Variants in GABRB2 observed in about 807,000 individuals in gnomAD.
GABRB2 encodes the protein gamma-aminobutyric acid type A receptor subunit beta2, also known as gamma-aminobutyric acid receptor subunit beta-2.
In GABRB2, 16 loss-of-function variants were observed where a neutral mutation model predicts 54.7. That is an observed-to-expected ratio of 0.29 (90% CI 0.20 to 0.44). The LOEUF (loss-of-function observed/expected upper bound fraction) is 0.44, where lower values mean the gene tolerates loss of function less well. Among genes scored for constraint, GABRB2 ranks in the 20% least tolerant of loss-of-function variants. The probability of loss-of-function intolerance (pLI) is 1.00; values close to 1 mark genes in which losing one functional copy is unlikely to be tolerated. For missense variants in GABRB2, 355 were observed against 644.0 expected, an observed-to-expected ratio of 0.55 and a Z score of 4.86; for synonymous variants, 244 against 233.8, an observed-to-expected ratio of 1.04 and a Z score of -0.40.
chr5:161,369,790 G>A (rs899710766), intron 5 of GABRB2, among the ~76,000 whole-genome samples: 1 of 152,122 alleles, frequency 6.6e-6, no homozygotes, highest in Non-Finnish European at 1.5e-5. Flanking sequence ...ACTCTTTAGT[G>A]TATTTGCCTG....
In GABRB2 at chr5:161,289,232, C is replaced by CTTTTTCTTTT; in HGVS notation, c.*4848_*4849insAAAAGAAAAA. 1 of 90,494 alleles carries CTTTTTCTTTT rather than the reference C, an allele frequency of 1.1e-5. No homozygotes were observed. The highest frequency in any genetic ancestry group is 3.2e-4 in the East Asian group (1 of 3,152). The allele number at this position is 90,494 out of a possible 1,614,324, so 5.6% of individuals were successfully genotyped here. A position where few individuals can be genotyped will look rare whatever the true frequency, so the allele number is the denominator to read the frequency against. On this transcript the variant is annotated 3_prime_UTR_variant, in exon 10 of 10. Coordinates refer to ENST00000393959, the MANE Select transcript of GABRB2 (RefSeq NM_001371727.1). ...ACCTAGTAGCTTTTTAAGAGTGCTG[C>CTTTTTCTTTT]TTTTTTTTTTTTTTTTTGTACAGAT...
rs1580949222 is a variant in GABRB2, at chr5:161,289,231, G to GTTTTTT, written c.*4849_*4850insAAAAAA. The GTTTTTT allele has an allele frequency of 1.6e-5, 1 of 60,676 alleles. No individual in the cohort carries two copies. The highest frequency in any genetic ancestry group is 2.7e-5 in the Non-Finnish European group (1 of 36,946). 3.8% of individuals were successfully genotyped at this position (60,676 alleles called of 1,614,324 possible). A position where few individuals can be genotyped will look rare whatever the true frequency, so the allele number is the denominator to read the frequency against. ...AACCTAGTAGCTTTTTAAGAGTGCTGCTTTTTTTTTTTTTTTTTGTACAGA... is the reference window on the plus strand; with the variant it reads ...AACCTAGTAGCTTTTTAAGAGTGCTGTTTTTTCTTTTTTTTTTTTTTTTTGTACAGA... On this transcript the variant is annotated 3_prime_UTR_variant, in exon 10 of 10. Coordinates refer to ENST00000393959, the MANE Select transcript of GABRB2 (RefSeq NM_001371727.1).
At chr5:161,442,750 C>T (rs945133771) in intron 4 of GABRB2, among the ~76,000 whole-genome samples, 1 of 151,368 alleles carries the variant, frequency 6.6e-6, no homozygotes, top group East Asian at 1.9e-4. Context: ...CTTTTCAATT[C>T]TCTCTCTCTC....
chr5:161,515,008 T>C (rs1342893817), intron 3 of GABRB2, among the ~76,000 whole-genome samples: 2 of 152,188 alleles, frequency 1.3e-5, no homozygotes, highest in Non-Finnish European at 2.9e-5. Context: ...CATCCGTATT[T>C]GTCAATGCTG....
At chr5:161,522,971 A>G (rs73797405) in intron 3 of GABRB2, among the ~76,000 whole-genome samples, 3 of 151,378 alleles carry the variant, frequency 2.0e-5, no homozygotes, top group Non-Finnish European at 4.4e-5. Flanking sequence ...TTATTAATAG[A>G]TATAATTTAT....
intron 4 of GABRB2, among the ~76,000 whole-genome samples, chr5:161,425,830 A>AATAT (rs1756982887): frequency 6.6e-6 from 1 of 152,106 alleles, no homozygotes; most frequent in Non-Finnish European, 1.5e-5. Context: ...TCTTTCTCCT[A>AATAT]GCAAATTGTC....
intron 3 of GABRB2, among the ~76,000 whole-genome samples, chr5:161,499,849 C>A (rs1759375643): frequency 6.6e-6 from 1 of 152,012 alleles, no homozygotes; most frequent in Non-Finnish European, 1.5e-5. Context: ...TTGCTTGTCT[C>A]TATTAATAAT....
At chr5:161,352,852 A>G (rs908985553) in intron 5 of GABRB2, among the ~76,000 whole-genome samples, 1 of 152,048 alleles carries the variant, frequency 6.6e-6, no homozygotes, top group Non-Finnish European at 1.5e-5. Flanking sequence ...AATAAATAAA[A>G]AACCTAATAA....
At chr5:161,502,454 T>C (rs573950999) in intron 3 of GABRB2, among the ~76,000 whole-genome samples, 2 of 152,286 alleles carry the variant, frequency 1.3e-5, no homozygotes, top group East Asian at 3.9e-4. Context: ...AAAACATATT[T>C]CTAACTTCTG....
chr5:161,486,475 C>T (rs1202805403), intron 3 of GABRB2, among the ~76,000 whole-genome samples: 1 of 151,966 alleles, frequency 6.6e-6, no homozygotes. Flanking sequence ...GCATTTTAAT[C>T]TCTTACATAT....
chr5:161,495,640 A>G (rs1759217162), intron 3 of GABRB2, among the ~76,000 whole-genome samples: 2 of 152,076 alleles, frequency 1.3e-5, no homozygotes, highest in South Asian at 4.1e-4. Context: ...CTCAATAATT[A>G]AAATTGTGGC....
chr5:161,439,518 A>T (rs1400655257), intron 4 of GABRB2, among the ~76,000 whole-genome samples: 2 of 152,220 alleles, frequency 1.3e-5, no homozygotes, highest in Admixed American at 1.3e-4. Flanking sequence ...ATAACAATGT[A>T]ACTGGGGTGT....
chr5:161,426,272 G>A (rs1023134796), intron 4 of GABRB2, among the ~76,000 whole-genome samples: 2 of 152,070 alleles, frequency 1.3e-5, no homozygotes, highest in African/African-American at 4.8e-5. Flanking sequence ...AGTGGAAGCA[G>A]AACCCTAAGA....
chr5:161,510,621 A>G (rs1168647556), intron 3 of GABRB2, among the ~76,000 whole-genome samples: 1 of 151,916 alleles, frequency 6.6e-6, no homozygotes, highest in Non-Finnish European at 1.5e-5. Flanking sequence ...CCTTGAGGAT[A>G]ATAAATGTTT....
chr5:161,486,435 T>C (rs1026927220), intron 3 of GABRB2, among the ~76,000 whole-genome samples: 1 of 151,972 alleles, frequency 6.6e-6, no homozygotes, highest in Admixed American at 6.6e-5. Flanking sequence ...AAATGCGCAC[T>C]GTAAGGCACG....
At chr5:161,513,083 T>C (rs1361095175) in intron 3 of GABRB2, among the ~76,000 whole-genome samples, 1 of 148,498 alleles carries the variant, frequency 6.7e-6, no homozygotes, top group Non-Finnish European at 1.5e-5. Flanking sequence ...AAACAAGAGA[T>C]GCTGGTGGGG....
chr5:161,518,049 C>T (rs1421857304), intron 3 of GABRB2, among the ~76,000 whole-genome samples: 1 of 152,132 alleles, frequency 6.6e-6, no homozygotes. Context: ...ACCTCGTGAT[C>T]GGCCCGCCCC....
At chr5:161,351,112 C>A (rs1001588291) in intron 5 of GABRB2, among the ~76,000 whole-genome samples, 1 of 151,996 alleles carries the variant, frequency 6.6e-6, no homozygotes, top group African/African-American at 2.4e-5. Context: ...TGGAAGAATT[C>A]AAATTATTAA....
intron 5 of GABRB2, among the ~76,000 whole-genome samples, chr5:161,345,696 A>T (rs1754302550): frequency 6.6e-6 from 1 of 151,896 alleles, no homozygotes; most frequent in African/African-American, 2.4e-5. Context: ...TACTCCTCTA[A>T]TATTTCCACA....
Sources: gnomAD v4.1 joint callset for allele counts (sites outside exome capture counted in the v4.1 genomes callset) on GRCh38, gnomAD v4.1.1 for gene constraint, MANE v1.5 for transcripts, NCBI Gene and HGNC (gene_info 2026-07-23, HGNC 2026-07-21) for gene names.